DCHS1: variants seen among roughly 807,000 people sequenced by gnomAD.
DCHS1 encodes dachsous cadherin-related 1.
Under a neutral mutation model 213.9 loss-of-function variants are expected in DCHS1, and 78 were observed. The ratio of observed to expected loss-of-function variants is 0.36; its 90% CI spans 0.30 to 0.44. The LOEUF (loss-of-function observed/expected upper bound fraction) is 0.44. Ranked by LOEUF, DCHS1 falls within the 20% of genes least tolerant of loss-of-function variation. The probability of loss-of-function intolerance (pLI) is 1.00; values close to 1 mark genes in which losing one functional copy is unlikely to be tolerated. For missense variants in DCHS1, 3,946 were observed against 4,395.9 expected, an observed-to-expected ratio of 0.90 and a Z score of 2.89; for synonymous variants, 1,828 against 1,873.7, an observed-to-expected ratio of 0.98 and a Z score of 0.63.
chr11:6,629,544 G>A lies in DCHS1; in HGVS notation c.5069C>T (p.Ser1690Phe). 1.2e-6 allele frequency: 2 copies of A among 1,613,686 alleles called. No homozygotes were observed. Among genetic ancestry groups the A allele is most frequent in the Non-Finnish European group, 8.5e-7 (1 of 1,179,742 alleles). The change falls in exon 12 of 21, where the codon TCT (serine) becomes TTT (phenylalanine). Residue 1690 changes from serine to phenylalanine, a missense_variant. Ser to Phe is a radical substitution (Grantham distance 155). Around this residue, in one of 3 missense-constraint regions of DCHS1, gnomAD observed 3,384 missense variants for 3,780.1 expected, o/e 0.90. Transcript: ENST00000299441. ...ANGQVTYGGV[S>F]SESFSLDPDT... ...AGGATCCAGAGAAAAGCTTTCGCTA[G>A]AGACGCCTCCATAAGTCACTTGCCC...
Position 6,633,783 on chromosome 11 carries a change from C to A in DCHS1, c.2218+6G>T. ...GGGAAGGCCCCGGGAATGGGAGGAT[C>A]CTCACCTGATTGCTCATCCAAGGTA... is the stretch of plus-strand genomic sequence containing the variant. On this transcript the variant is annotated splice_donor_region_variant and intron_variant, in intron 4 of 20. Transcript: ENST00000299441. The A allele has an allele frequency of 6.2e-7, 1 of 1,612,372 alleles. No individual in the cohort carries two copies. The highest frequency in any genetic ancestry group is 8.5e-7 in the Non-Finnish European group (1 of 1,179,478).
At chr11:6,648,726 C>A (rs1856202627) in intron 1 of DCHS1, among the ~76,000 whole-genome samples, 1 of 152,142 alleles carries the variant, frequency 6.6e-6, no homozygotes, top group African/African-American at 2.4e-5. Context: ...TGACCTTGGG[C>A]AAGCCACTTA....
Position 6,624,241 on chromosome 11 carries a change from C to A in DCHS1, c.7435G>T (p.Ala2479Ser), listed in dbSNP as rs200993350. 2 of 1,612,674 alleles carry A rather than the reference C, an allele frequency of 1.2e-6. No individual in the cohort carries two copies. The highest frequency in any genetic ancestry group is 1.1e-5 in the South Asian group (1 of 90,880). ...HVQLQDQNDHAPSFTLSHYRV... is the reference protein window; with the variant it reads ...HVQLQDQNDHSPSFTLSHYRV... The stretch of plus-strand genomic sequence containing the variant: ...TAGTGTGACAATGTGAAGCTCGGGG[C>A]GTGGTCGTTCTGGTCCTGCAGCTGC... Residue 2479 changes from alanine to serine, a missense_variant, in exon 21 of 21, where the codon GCC (alanine) becomes TCC (serine). By Grantham distance (99) the Ala-to-Ser change is moderately conservative (BLOSUM62 1). Around this residue, in one of 3 missense-constraint regions of DCHS1, gnomAD observed 3,384 missense variants for 3,780.1 expected, o/e 0.90. Transcript: ENST00000299441.
chr11:6,633,678 T>C (rs761991226), intron 4 of DCHS1, 30 bp from the exon 5 acceptor site: 3 of 1,609,282 alleles, frequency 1.9e-6, no homozygotes, highest in Non-Finnish European at 8.5e-7. Flanking sequence ...CAGAGATATA[T>C]AAGGAAACAT....
Position 6,623,728 on chromosome 11 carries a change from A to G in DCHS1, c.7948T>C (p.Phe2650Leu). 1 of 1,613,892 alleles carries G rather than the reference A, an allele frequency of 6.2e-7. No homozygotes were observed. Among genetic ancestry groups the G allele is most frequent in the Non-Finnish European group, 8.5e-7 (1 of 1,179,898 alleles). Residue 2650 changes from phenylalanine to leucine, a missense_variant, in exon 21 of 21, where the codon TTT (phenylalanine) becomes CTT (leucine). By Grantham distance (22) the Phe-to-Leu change is conservative (BLOSUM62 0). Around this residue, in one of 3 missense-constraint regions of DCHS1, gnomAD observed 3,384 missense variants for 3,780.1 expected, o/e 0.90. Coordinates refer to ENST00000299441, the MANE Select transcript of DCHS1 (RefSeq NM_003737.4). ...GTGCCTGAGCTCTCATCCAGCTCAAAGAGCCCTGATGGGTCGCCTGAGCTG... is the reference window on the plus strand; with the variant it reads ...GTGCCTGAGCTCTCATCCAGCTCAAGGAGCCCTGATGGGTCGCCTGAGCTG... The part of the protein sequence containing the change: ...TVSSGDPSGL[F>L]ELDESSGTLR...
Position 6,626,716 on chromosome 11 carries a change from TG to T in DCHS1, c.6251-52del. ...CTGTGAGCGCGAGACTGGGAGAGTTTGGGGGACATTTTCAAAGCACAACCCC... is the reference window on the plus strand; with the variant it reads ...CTGTGAGCGCGAGACTGGGAGAGTTTGGGGACATTTTCAAAGCACAACCCC... On this transcript the variant is annotated intron_variant, in intron 14 of 20. Transcript: ENST00000299441. This position sits in a 1 kb window ranked among gnomAD's most constrained non-coding sequence, Gnocchi z 5.2. 2 of 1,610,912 alleles carry T rather than the reference TG, an allele frequency of 1.2e-6. No individual in the cohort carries two copies. Among genetic ancestry groups the T allele is most frequent in the Non-Finnish European group, 1.7e-6 (2 of 1,178,566 alleles).
rs1309767341 is a variant in DCHS1, at chr11:6,624,181, A to G, written c.7495T>C (p.Ser2499Pro). Residue 2499 changes from serine to proline, a missense_variant, in exon 21 of 21, where the codon TCC becomes CCC. Ser to Pro is a moderately conservative substitution (Grantham distance 74). Transcript: ENST00000299441. ...VAVTEDLPPG[S>P]TLLTLEATDA... ...GTAGCCTCCAGGGTGAGCAGAGTGGAGCCAGGGGGCAGGTCTTCAGTCACA... is the reference window on the plus strand; with the variant it reads ...GTAGCCTCCAGGGTGAGCAGAGTGGGGCCAGGGGGCAGGTCTTCAGTCACA... 1 of 1,613,288 alleles carries G rather than the reference A, an allele frequency of 6.2e-7. No homozygotes were observed. The highest frequency in any genetic ancestry group is 8.5e-7 in the Non-Finnish European group (1 of 1,179,714).
rs1856064366 is a variant in DCHS1, at chr11:6,640,993, C to T, written c.621G>A (p.Leu207=). The change falls in exon 2 of 21, where the codon CTG becomes CTA. Residue 207 remains leucine, a synonymous_variant. Coordinates refer to ENST00000299441, the MANE Select transcript of DCHS1 (RefSeq NM_003737.4). The surrounding 1 kb of genome is among the most constrained non-coding windows in gnomAD (Gnocchi z 6.5). ...PGPDGTPVPE[L]VVTGELDREN... ...CTCGGTCCAGTTCCCCAGTAACTAC[C>T]AGCTCAGGTACTGGAGTCCCATCTG... is the stretch of plus-strand genomic sequence containing the variant. 1.6e-5 allele frequency: 26 copies of T among 1,614,044 alleles called. No homozygotes were observed. Among genetic ancestry groups the T allele is most frequent in the Non-Finnish European group, 2.1e-5 (25 of 1,179,902 alleles).
chr11:6,631,442 C>T (rs1274221731), intron 7 of DCHS1, 35 bp from the exon 8 acceptor site: 4 of 1,612,988 alleles, frequency 2.5e-6, no homozygotes, highest in Non-Finnish European at 3.4e-6. Flanking sequence ...GAGTCTCTTT[C>T]CTGTTCTTCA....
Position 6,626,900 on chromosome 11 carries a change from C to T in DCHS1, c.6139G>A (p.Ala2047Thr), listed in dbSNP as rs1385231080. Residue 2047 changes from alanine to threonine, a missense_variant, in exon 14 of 21, where the codon GCT becomes ACT. Ala to Thr is a moderately conservative substitution (Grantham distance 58). This residue lies in a region of DCHS1 where 3,384 missense variants were observed against 3,780.1 expected (regional missense o/e 0.90). Coordinates refer to ENST00000299441, the MANE Select transcript of DCHS1 (RefSeq NM_003737.4). The surrounding 1 kb of genome is among the most constrained non-coding windows in gnomAD (Gnocchi z 5.2). ...ATGATCACACCAGTGGCAGAGCGAG[C>T]TGGACGGCCAAGATCAGTGGCCACA... ...FIVATDLGRP[A>T]RSATGVIIVG... 1.9e-6 allele frequency: 3 copies of T among 1,613,424 alleles called. No homozygotes were observed. Among genetic ancestry groups the T allele is most frequent in the Admixed American group, 1.7e-5 (1 of 59,994 alleles).
chr11:6,622,624 G>T lies in DCHS1; in HGVS notation c.9052C>A (p.Pro3018Thr). The T allele has an allele frequency of 6.3e-7, 1 of 1,584,806 alleles. No homozygotes were observed. The highest frequency in any genetic ancestry group is 8.6e-7 in the Non-Finnish European group (1 of 1,165,946). Residue 3018 changes from proline (P) to threonine (T), a missense_variant, in exon 21 of 21, where the codon CCC (proline) becomes ACC (threonine). Transcript: ENST00000299441. The surrounding 1 kb of genome is among the most constrained non-coding windows in gnomAD (Gnocchi z 5.4). ...TCCAAGGAGCCACCACGGGGGTAGG[G>T]TCCTCCAGCTCCTGGCCCACCATAG... ...PSYGGPGAGG[P>T]YPRGGSLDPS...
Position 6,626,634 on chromosome 11 carries a change from A to G in DCHS1, c.6282T>C (p.His2094=), listed in dbSNP as rs1855808524. The G allele has an allele frequency of 1.9e-6, 3 of 1,613,918 alleles. No homozygotes were observed. Among genetic ancestry groups the G allele is most frequent in the African/African-American group, 2.7e-5 (2 of 74,942 alleles). ...TGATGGGTCCATTTGTGCCTCCTGC[A>G]TGGACGGCCCTGGGGGAGACAATAG... ...GTPIVSPRAV[H]AGGTNGPITY... is the part of the protein sequence containing the mutation. The change falls in exon 15 of 21, where the codon CAT becomes CAC. Residue 2094 remains histidine, a synonymous_variant. Transcript: ENST00000299441. This position sits in a 1 kb window ranked among gnomAD's most constrained non-coding sequence, Gnocchi z 5.2.
In DCHS1 at chr11:6,624,465, T is replaced by C. The variant is rs1425205288; in HGVS notation, c.7286-75A>G. ...TGAACAGAAGAGTGACCCTTCAGGATCTAGGAAATGGTTTTGGAAGTCAGA... is the reference window on the plus strand; with the variant it reads ...TGAACAGAAGAGTGACCCTTCAGGACCTAGGAAATGGTTTTGGAAGTCAGA... On this transcript the variant is annotated intron_variant, in intron 20 of 20. Transcript: ENST00000299441. The C allele has an allele frequency of 8.3e-6, 12 of 1,446,680 alleles. No individual in the cohort carries two copies. In the Admixed American group the frequency reaches 2.7e-4, roughly 33 times the overall value. The allele number at this position is 1,446,680 out of a possible 1,614,324, so 89.6% of individuals were successfully genotyped here.
Position 6,630,103 on chromosome 11 carries a change from G to C in DCHS1, c.4691C>G (p.Ala1564Gly), listed in dbSNP as rs200599220. The C allele has an allele frequency of 1.9e-5, 31 of 1,603,364 alleles. No homozygotes were observed. In the Admixed American group the frequency reaches 2.9e-4, roughly 15 times the overall value. ...CGGGTCCCGGGCTACCACGTGCAGG[G>C]CCGCGGGCCCAGGCGGCTGGTCCTC... Reference protein sequence around the residue: ...LPEDQPPGPAALHVVARDPDL... With the variant: ...LPEDQPPGPAGLHVVARDPDL... Residue 1564 changes from alanine (A) to glycine (G), a missense_variant, in exon 10 of 21, where the codon GCC becomes GGC. This residue lies in a region of DCHS1 where 3,384 missense variants were observed against 3,780.1 expected (regional missense o/e 0.90). Transcript: ENST00000299441.
At position 6,627,153 on chromosome 11, in the gene DCHS1, G is replaced by A; in HGVS notation, c.5886C>T (p.Thr1962=). Residue 1962 remains threonine (T), a synonymous_variant, in exon 14 of 21, where the codon ACC becomes ACT. Transcript: ENST00000299441. This position sits in a 1 kb window ranked among gnomAD's most constrained non-coding sequence, Gnocchi z 5.4. Reference sequence around the variant, plus strand: ...GGGGCAGACGTAGGCGCAGAGGACTGGTGGGGAAGGTGGGTGCATGGTCAT... The same window carrying A: ...GGGGCAGACGTAGGCGCAGAGGACTAGTGGGGAAGGTGGGTGCATGGTCAT... ...DVNDHAPTFP[T]SPLRLRLPRP... The A allele has an allele frequency of 7.4e-6, 12 of 1,612,206 alleles. No homozygotes were observed. The highest frequency in any genetic ancestry group is 1.0e-5 in the Non-Finnish European group (12 of 1,178,926).
intron 1 of DCHS1, among the ~76,000 whole-genome samples, chr11:6,644,154 A>C (rs1856121898): frequency 6.6e-6 from 1 of 152,210 alleles, no homozygotes; most frequent in Non-Finnish European, 1.5e-5. Context: ...TCCTGATGAA[A>C]GGTTTCCACT....
intron 1 of DCHS1, among the ~76,000 whole-genome samples, chr11:6,645,902 G>A (rs1856147016): frequency 1.3e-5 from 2 of 152,062 alleles, no homozygotes; most frequent in Non-Finnish European, 2.9e-5. Context: ...ATACACACGT[G>A]CGCAGAGGCT....
intron 5 of DCHS1, 76 bp from the exon 6 acceptor site, chr11:6,633,132 A>T (rs1855938126): frequency 6.6e-7 from 1 of 1,507,338 alleles, no homozygotes; most frequent in Non-Finnish European, 9.0e-7. Context: ...TCTGATCCCG[A>T]GAAGGACTGG....
chr11:6,643,314 C>T (rs1266919956), intron 1 of DCHS1, among the ~76,000 whole-genome samples: 1 of 152,016 alleles, frequency 6.6e-6, no homozygotes, highest in Non-Finnish European at 1.5e-5. Flanking sequence ...TTTTTCATTT[C>T]CCCCATTTTC....
Sources: gnomAD v4.1 joint callset for allele counts (sites outside exome capture counted in the v4.1 genomes callset) on GRCh38, gnomAD v4.1.1 for gene constraint, gnomAD v4.1.1 regional missense constraint, Gnocchi (gnomAD v3.1) non-coding constraint, MANE v1.5 for transcripts, NCBI Gene and HGNC (gene_info 2026-07-23, HGNC 2026-07-21) for gene names.